Variants in TCERG1L observed in about 807,000 individuals in gnomAD.
TCERG1L encodes the protein transcription elongation regulator 1 like, also known as transcription elongation regulator 1-like protein.
A neutral mutation model predicts 56.3 loss-of-function variants in TCERG1L; 37 were observed. That is an observed-to-expected ratio of 0.66 (90% CI 0.51 to 0.87). TCERG1L has a LOEUF of 0.87. Ranked by LOEUF, TCERG1L falls within the 40% of genes least tolerant of loss-of-function variation. TCERG1L has a pLI of 0.00. For missense variants in TCERG1L, 799 were observed against 774.2 expected (o/e 1.03, Z -0.38); for synonymous variants, 324 against 326.3 (o/e 0.99, Z 0.08).
At chr10:131,225,659 A>G (rs749208609) in intron 4 of TCERG1L, among the ~76,000 whole-genome samples, 8 of 152,166 alleles carry the variant, frequency 5.3e-5, no homozygotes, top group Non-Finnish European at 1.2e-4. Context: ...GAAGTAGCAG[A>G]GGACACAGAC....
chr10:131,233,355 C>G (rs1443107132), intron 4 of TCERG1L, among the ~76,000 whole-genome samples: 1 of 151,750 alleles, frequency 6.6e-6, no homozygotes, highest in Non-Finnish European at 1.5e-5. Flanking sequence ...TTTTTTGGTC[C>G]CTTTAATCAC....
chr10:131,118,548 C>G lies in TCERG1L; in HGVS notation c.1260-1614G>C, dbSNP rs1489673652. 6.6e-6 allele frequency among the ~76,000 whole-genome samples: 1 copy of G among 152,134 alleles called. No individual in the cohort carries two copies. The highest frequency in any genetic ancestry group is 2.4e-5 in the African/African-American group (1 of 41,420). On this transcript the variant is annotated intron_variant, in intron 8 of 11. Coordinates refer to ENST00000368642, the MANE Select transcript of TCERG1L (RefSeq NM_174937.4). The surrounding 1 kb of genome is among the most constrained non-coding windows in gnomAD (Gnocchi z 4.2). ...CCCTACCCTTCCCTTAATCTGCTCA[C>G]CGGGACACCTTACCAGATTTCTCAT... is the stretch of plus-strand genomic sequence containing the variant.
chr10:131,122,242 G>A (rs2133394298), intron 8 of TCERG1L, among the ~76,000 whole-genome samples: 1 of 152,278 alleles, frequency 6.6e-6, no homozygotes, highest in Non-Finnish European at 1.5e-5. Flanking sequence ...TATTCATAAG[G>A]AAACCTCTCC....
Position 131,116,859 on chromosome 10 carries a change from CT to C in TCERG1L, c.1334del (p.Gln445ArgfsTer10). Reference protein sequence around the residue: ...EDKGTRTPPPQILLPLEERVT... With the variant: ...EDKGTRTPPPXILLPLEERVT... ...CACGCTCCTCCAGAGGCAGGAGGAT[CT>C]GCGGGGGCGGCGTCCTTGTGCCTTT... is the stretch of plus-strand genomic sequence containing the variant. On this transcript the variant is annotated frameshift_variant, in exon 9 of 12. Transcript: ENST00000368642. LOFTEE classifies it high-confidence loss of function. The C allele has an allele frequency of 6.3e-7, 1 of 1,588,068 alleles. No homozygotes were observed. Among genetic ancestry groups the C allele is most frequent in the Non-Finnish European group, 8.6e-7 (1 of 1,167,948 alleles).
intron 4 of TCERG1L, among the ~76,000 whole-genome samples, chr10:131,200,059 TC>T (rs1467018492): frequency 6.6e-6 from 1 of 152,126 alleles, no homozygotes; most frequent in African/African-American, 2.4e-5. Context: ...AGCTCTCCCC[TC>T]CTCTGAGCTC....
intron 6 of TCERG1L, among the ~76,000 whole-genome samples, chr10:131,150,239 G>GT (rs1845848563): frequency 1.1e-4 from 1 of 9,448 alleles, no homozygotes; most frequent in Non-Finnish European, 9.8e-4. Flanking sequence ...AGGCCATCTG[G>GT]CCCCCAGCCT....
At chr10:131,174,770 G>T (rs1035842659) in intron 4 of TCERG1L, among the ~76,000 whole-genome samples, 22 of 152,198 alleles carry the variant, frequency 1.4e-4, no homozygotes, top group Admixed American at 1.4e-3. Context: ...TCAGACCAGA[G>T]AACCAGAGCG....
intron 4 of TCERG1L, among the ~76,000 whole-genome samples, chr10:131,232,743 C>A (rs1192638563): frequency 6.6e-6 from 1 of 152,204 alleles, no homozygotes; most frequent in African/African-American, 2.4e-5. Context: ...ACCCTCCCCT[C>A]CTTGTTCCAC....
intron 4 of TCERG1L, among the ~76,000 whole-genome samples, chr10:131,190,713 T>C (rs1462560936): frequency 7.0e-6 from 1 of 143,788 alleles, no homozygotes; most frequent in Non-Finnish European, 1.5e-5. Context: ...AGAAGGGACC[T>C]ACTTCAAAAT....
intron 4 of TCERG1L, among the ~76,000 whole-genome samples, chr10:131,250,057 C>T (rs1166609123): frequency 2.0e-5 from 3 of 152,208 alleles, no homozygotes; most frequent in African/African-American, 4.8e-5. Flanking sequence ...ATTTGAGTCA[C>T]GGGGCACCAA....
intron 4 of TCERG1L, among the ~76,000 whole-genome samples, chr10:131,216,474 T>C (rs1007463111): frequency 2.0e-5 from 3 of 152,294 alleles, no homozygotes; most frequent in African/African-American, 7.2e-5. Context: ...AAAATGGGGA[T>C]AGACCTGCTT....
intron 4 of TCERG1L, among the ~76,000 whole-genome samples, chr10:131,193,657 T>C (rs948871216): frequency 3.3e-5 from 5 of 152,242 alleles, no homozygotes; most frequent in African/African-American, 1.2e-4. Context: ...TGTAAATATC[T>C]GGCCTTATTT....
Position 131,227,746 on chromosome 10 carries a change from G to GATT in TCERG1L, c.856+32510_856+32512dup, listed in dbSNP as rs372669390. Among the ~76,000 whole-genome samples, 37 of 152,092 alleles carry GATT rather than the reference G, an allele frequency of 2.4e-4. No homozygotes were observed. The East Asian group carries it at 6.6e-3, about 27-fold the overall frequency. The stretch of plus-strand genomic sequence containing the variant: ...GCAAAGAACCCAAGATACACGTCTT[G>GATT]ATTACAAAACTGATCACAGGCACAT... On this transcript the variant is annotated intron_variant, in intron 4 of 11. Coordinates refer to ENST00000368642, the MANE Select transcript of TCERG1L (RefSeq NM_174937.4).
intron 4 of TCERG1L, among the ~76,000 whole-genome samples, chr10:131,208,701 G>A (rs753085576): frequency 2.4e-4 from 37 of 152,074 alleles, no homozygotes; most frequent in Non-Finnish European, 4.6e-4. Context: ...AACTTTCTCC[G>A]TGCTGACCCC....
chr10:131,120,318 A>G (rs1040959551), intron 8 of TCERG1L, among the ~76,000 whole-genome samples: 3 of 152,144 alleles, frequency 2.0e-5, no homozygotes, highest in Non-Finnish European at 4.4e-5. Context: ...AGTTCTGGGC[A>G]CTGCAACCCC....
At chr10:131,183,341 T>C (rs1845200970) in intron 4 of TCERG1L, among the ~76,000 whole-genome samples, 1 of 152,240 alleles carries the variant, frequency 6.6e-6, no homozygotes, top group Non-Finnish European at 1.5e-5. Flanking sequence ...AAGCAACTGA[T>C]ACAAAGAGAC....
intron 1 of TCERG1L, 133 bp from the exon 2 acceptor site, chr10:131,309,432 C>T (rs1304223139): frequency 8.1e-7 from 1 of 1,237,596 alleles, no homozygotes; most frequent in African/African-American, 1.6e-5. Flanking sequence ...AGATAAATTT[C>T]CTCGAGAAAA....
intron 4 of TCERG1L, among the ~76,000 whole-genome samples, chr10:131,221,364 C>T (rs910488050): frequency 1.3e-5 from 2 of 152,184 alleles, no homozygotes; most frequent in Non-Finnish European, 1.5e-5. Flanking sequence ...ATGTTTTCTA[C>T]AGAAATCTCC....
At chr10:131,155,182 A>G (rs1040914679) in intron 6 of TCERG1L, among the ~76,000 whole-genome samples, 1 of 152,230 alleles carries the variant, frequency 6.6e-6, no homozygotes, top group African/African-American at 2.4e-5. Context: ...TTCTTGGCTG[A>G]AAACAAAATT....
Sources: gnomAD v4.1 joint callset for allele counts (sites outside exome capture counted in the v4.1 genomes callset) on GRCh38, gnomAD v4.1.1 for gene constraint, Gnocchi (gnomAD v3.1) non-coding constraint, MANE v1.5 for transcripts, NCBI Gene and HGNC (gene_info 2026-07-23, HGNC 2026-07-21) for gene names.